GRM7: variants seen among roughly 807,000 people sequenced by gnomAD.
GRM7 encodes the protein glutamate metabotropic receptor 7.
In GRM7, 35 loss-of-function variants were observed where a neutral mutation model predicts 84.5. The ratio of observed to expected loss-of-function variants is 0.41; its 90% CI spans 0.32 to 0.55. The LOEUF (loss-of-function observed/expected upper bound fraction) is 0.55. Ranked by LOEUF, GRM7 falls within the 20% of genes least tolerant of loss-of-function variation. The pLI is 0.19. For missense variants in GRM7, 1,003 were observed against 1,194.6 expected (o/e 0.84, Z 2.36); for synonymous variants, 487 against 455.1 (o/e 1.07, Z -0.89).
At chr3:6,887,788 T>A (rs1263090659) in intron 1 of GRM7, among the ~76,000 whole-genome samples, 3 of 152,180 alleles carry the variant, frequency 2.0e-5, no homozygotes, top group Non-Finnish European at 4.4e-5. Flanking sequence ...TAGTTCTAGA[T>A]CCTTGAGGAA....
At chr3:7,064,268 T>C (rs1297599523) in intron 1 of GRM7, among the ~76,000 whole-genome samples, 2 of 150,292 alleles carry the variant, frequency 1.3e-5, no homozygotes, top group Admixed American at 6.7e-5. Context: ...CCAAAGTCCA[T>C]TGTATTATTC....
intron 1 of GRM7, among the ~76,000 whole-genome samples, chr3:6,931,044 C>T (rs1354778416): frequency 6.6e-6 from 1 of 152,162 alleles, no homozygotes; most frequent in African/African-American, 2.4e-5. Flanking sequence ...CCTAAAGGAG[C>T]CAGGCTTTGT....
chr3:7,540,282 T>C (rs1442365905), intron 7 of GRM7, among the ~76,000 whole-genome samples: 2 of 152,196 alleles, frequency 1.3e-5, no homozygotes, highest in Non-Finnish European at 2.9e-5. Context: ...TGGACATAAA[T>C]GTTCACAGCA....
At chr3:7,541,903 A>G (rs1692903331) in intron 7 of GRM7, among the ~76,000 whole-genome samples, 2 of 152,186 alleles carry the variant, frequency 1.3e-5, no homozygotes, top group South Asian at 4.1e-4. Flanking sequence ...GCCATACTCT[A>G]TCAGAAACTC....
chr3:7,637,067 G>A (rs1344562986), intron 8 of GRM7, among the ~76,000 whole-genome samples: 1 of 152,202 alleles, frequency 6.6e-6, no homozygotes, highest in Non-Finnish European at 1.5e-5. Context: ...TTTTAAAAGA[G>A]TGGTTGGTAG....
chr3:7,467,290 T>C (rs1336276334), intron 7 of GRM7, among the ~76,000 whole-genome samples: 4 of 152,144 alleles, frequency 2.6e-5, no homozygotes, highest in African/African-American at 9.7e-5. Context: ...GGTTTCACTG[T>C]GTTAGCCAGG....
chr3:7,087,610 T>C (rs1454909521), intron 1 of GRM7, among the ~76,000 whole-genome samples: 1 of 152,196 alleles, frequency 6.6e-6, no homozygotes, highest in Non-Finnish European at 1.5e-5. Flanking sequence ...TTTTAAGCTT[T>C]ATTATAAGTC....
chr3:7,274,345 C>CA (rs1212316649), intron 2 of GRM7, among the ~76,000 whole-genome samples: 2 of 151,864 alleles, frequency 1.3e-5, no homozygotes, highest in African/African-American at 4.8e-5. Context: ...AGTCCTTCTC[C>CA]AGTGATCTTT....
intron 9 of GRM7, among the ~76,000 whole-genome samples, chr3:7,728,284 G>A (rs1335561346): frequency 6.6e-6 from 1 of 152,214 alleles, no homozygotes; most frequent in Non-Finnish European, 1.5e-5. Context: ...GTTTATGTCT[G>A]TAACCAGGTA....
At chr3:7,271,429 G>T (rs1378333771) in intron 2 of GRM7, among the ~76,000 whole-genome samples, 3 of 151,816 alleles carry the variant, frequency 2.0e-5, no homozygotes, top group African/African-American at 7.2e-5. Context: ...CGTGGTGGCG[G>T]GCGCCTGTAG....
intron 7 of GRM7, among the ~76,000 whole-genome samples, chr3:7,487,187 C>A (rs1394178441): frequency 6.6e-6 from 1 of 152,078 alleles, no homozygotes; most frequent in Admixed American, 6.6e-5. Context: ...ATAGAAGGAA[C>A]TGTGTGGCTA....
chr3:7,491,846 G>A (rs1163932137), intron 7 of GRM7, among the ~76,000 whole-genome samples: 1 of 152,130 alleles, frequency 6.6e-6, no homozygotes, highest in Non-Finnish European at 1.5e-5. Context: ...ATACCTGAAG[G>A]AGAAGCAGCA....
intron 1 of GRM7, among the ~76,000 whole-genome samples, chr3:7,021,231 C>G (rs1042472828): frequency 1.3e-5 from 2 of 152,118 alleles, no homozygotes; most frequent in African/African-American, 4.8e-5. Flanking sequence ...AATTGTTCAG[C>G]TGACTCAAGT....
intron 2 of GRM7, among the ~76,000 whole-genome samples, chr3:7,252,317 G>A (rs552197915): frequency 6.6e-6 from 1 of 152,256 alleles, no homozygotes; most frequent in Non-Finnish European, 1.5e-5. Flanking sequence ...TGCCTGTTCC[G>A]CTCATAGCCC....
In GRM7 at chr3:6,913,943, A is replaced by C. The variant is rs182046318; in HGVS notation, c.519+52036A>C. On this transcript the variant is annotated intron_variant, in intron 1 of 9. Coordinates refer to ENST00000357716, the MANE Select transcript of GRM7 (RefSeq NM_000844.4). ...ATCATTTTTTCTCTTGGTATTCAGG[A>C]TACTACATACTCCTGTCTTTAAAAA... Among the ~76,000 whole-genome samples the C allele has an allele frequency of 2.0e-3, 301 of 152,288 alleles. 3 individuals carry two copies. Among genetic ancestry groups the C allele is most frequent in the Admixed American group, 1.2e-3 (18 of 15,298 alleles).
At chr3:6,980,668 A>G (rs1694164550) in intron 1 of GRM7, among the ~76,000 whole-genome samples, 1 of 152,190 alleles carries the variant, frequency 6.6e-6, no homozygotes, top group Non-Finnish European at 1.5e-5. Context: ...CCTGATATAC[A>G]TGTAATGAGA....
Position 7,461,659 on chromosome 3 carries a change from C to T in GRM7, c.1452C>T (p.Thr484=). 6.2e-7 allele frequency: 1 copy of T among 1,613,550 alleles called. No homozygotes were observed. The highest frequency in any genetic ancestry group is 8.5e-7 in the Non-Finnish European group (1 of 1,179,576). ...PGRYDIFQYQ[T]TNTSNPGYRL... is the part of the protein sequence containing the mutation. Reference sequence around the variant, plus strand: ...GTTATGACATCTTTCAGTACCAGACCACAAACACCAGCAACCCGGGTTACC... The same window carrying T: ...GTTATGACATCTTTCAGTACCAGACTACAAACACCAGCAACCCGGGTTACC... Residue 484 remains threonine (T), a synonymous_variant, in exon 7 of 10, where the codon ACC becomes ACT. Coordinates refer to ENST00000357716, the MANE Select transcript of GRM7 (RefSeq NM_000844.4).
chr3:7,131,122 A>G (rs1156471373), intron 1 of GRM7, among the ~76,000 whole-genome samples: 1 of 152,102 alleles, frequency 6.6e-6, no homozygotes, highest in African/African-American at 2.4e-5. Context: ...AGGACTGACA[A>G]AAAAAATAGG....
chr3:7,302,365 A>G (rs1700031769), intron 3 of GRM7, among the ~76,000 whole-genome samples: 1 of 152,182 alleles, frequency 6.6e-6, no homozygotes, highest in South Asian at 2.1e-4. Context: ...ATCATTTCAT[A>G]TCACAAGTAC....
Sources: gnomAD v4.1 joint callset for allele counts (sites outside exome capture counted in the v4.1 genomes callset) on GRCh38, gnomAD v4.1.1 for gene constraint, MANE v1.5 for transcripts, NCBI Gene and HGNC (gene_info 2026-07-23, HGNC 2026-07-21) for gene names.